The following ATG5 variants were observed in gnomAD, a reference collection of about 807,000 sequenced individuals.
The protein encoded by ATG5 is autophagy related 5.
ATG5 carries 14 observed loss-of-function variants against 36.5 expected under a neutral mutation model. The observed-to-expected ratio is 0.38, with a 90% CI of 0.25 to 0.60. The LOEUF (loss-of-function observed/expected upper bound fraction) is 0.60. ATG5 is among the 20% of genes least tolerant of loss of function. The pLI, the probability that ATG5 is intolerant of heterozygous loss-of-function variation, is 0.60. For synonymous variants in ATG5, 95 were observed against 101.5 expected (o/e 0.94, Z 0.38); for missense variants, 195 against 326.7 (o/e 0.60, Z 3.11).
intron 4 of ATG5, among the ~76,000 whole-genome samples, chr6:106,287,377 G>A (rs561627897): frequency 1.3e-5 from 2 of 152,290 alleles, no homozygotes; most frequent in East Asian, 3.9e-4. Flanking sequence ...AGCAAAACAG[G>A]ATTTGCCTGC....
At chr6:106,235,377 T>C (rs1777857054) in intron 6 of ATG5, among the ~76,000 whole-genome samples, 1 of 152,014 alleles carries the variant, frequency 6.6e-6, no homozygotes, top group Non-Finnish European at 1.5e-5. Context: ...CCCGAGGAAA[T>C]CTCAACTGCA....
intron 6 of ATG5, among the ~76,000 whole-genome samples, chr6:106,209,887 T>C (rs1220322395): frequency 6.6e-6 from 1 of 152,208 alleles, no homozygotes; most frequent in African/African-American, 2.4e-5. Context: ...AGTCTAGAGC[T>C]TTGTTAATCA....
chr6:106,198,709 G>A (rs1289397556), intron 7 of ATG5, among the ~76,000 whole-genome samples: 1 of 151,986 alleles, frequency 6.6e-6, no homozygotes, highest in Non-Finnish European at 1.5e-5. Context: ...CCCGGAGGTG[G>A]AGGTTGCAGT....
Position 106,298,722 on chromosome 6 carries a change from A to G in ATG5, c.237-5616T>C, listed in dbSNP as rs373028302. On this transcript the variant is annotated intron_variant, in intron 3 of 7. Transcript: ENST00000369076. The stretch of plus-strand genomic sequence containing the variant: ...TTCCATAATTAACATGCGGTTCAAT[A>G]CAAATTTTTATGTTAGAATTATTTT... Among the ~76,000 whole-genome samples the G allele has an allele frequency of 2.6e-5, 4 of 152,356 alleles. No individual in the cohort carries two copies. The East Asian group carries it at 5.8e-4, about 22-fold the overall frequency.
At chr6:106,238,947 C>A (rs1352709454) in intron 6 of ATG5, among the ~76,000 whole-genome samples, 3 of 152,156 alleles carry the variant, frequency 2.0e-5, no homozygotes, top group African/African-American at 7.2e-5. Flanking sequence ...CCAATAACTT[C>A]ATCAAACTAG....
intron 6 of ATG5, among the ~76,000 whole-genome samples, chr6:106,238,992 T>C (rs1778002942): frequency 6.6e-6 from 1 of 152,152 alleles, no homozygotes; most frequent in South Asian, 2.1e-4. Context: ...TTAGAAACGC[T>C]AGAAGGAAAT....
In ATG5 at chr6:106,289,289, T is replaced by C. The variant is rs142126489; in HGVS notation, c.315+3739A>G. ...ATCAAAAATCTATAAGGCAGTACAA[T>C]AGAGGCAGGCCTACATCAATCAGTA... is the stretch of plus-strand genomic sequence containing the variant. On this transcript the variant is annotated intron_variant, in intron 4 of 7. Transcript: ENST00000369076. Among the ~76,000 whole-genome samples the C allele has an allele frequency of 1.4e-4, 21 of 152,156 alleles. No homozygotes were observed. In the East Asian group the frequency reaches 3.5e-3, roughly 25 times the overall value.
chr6:106,260,040 TA>T (rs1181359459), intron 5 of ATG5, among the ~76,000 whole-genome samples: 7 of 152,044 alleles, frequency 4.6e-5, no homozygotes, highest in Middle Eastern at 3.4e-3. Flanking sequence ...TTCTCACTCA[TA>T]GGGGGGAACT....
At chr6:106,220,667 G>T (rs1285997394) in intron 6 of ATG5, among the ~76,000 whole-genome samples, 1 of 152,032 alleles carries the variant, frequency 6.6e-6, no homozygotes, top group African/African-American at 2.4e-5. Flanking sequence ...CCCAAAAGAA[G>T]GAACCACTAC....
intron 4 of ATG5, among the ~76,000 whole-genome samples, chr6:106,283,179 A>T (rs1237949055): frequency 6.6e-6 from 1 of 152,056 alleles, no homozygotes; most frequent in Non-Finnish European, 1.5e-5. Context: ...CTTTTTAATT[A>T]TTACGAGATT....
chr6:106,275,231 CATTA>C (rs1779595948), intron 5 of ATG5, among the ~76,000 whole-genome samples: 1 of 152,194 alleles, frequency 6.6e-6, no homozygotes, highest in Non-Finnish European at 1.5e-5. Flanking sequence ...TACCCATTTA[CATTA>C]ATTAACATTC....
intron 4 of ATG5, among the ~76,000 whole-genome samples, chr6:106,290,761 T>C (rs986125934): frequency 3.3e-5 from 5 of 152,236 alleles, no homozygotes; most frequent in African/African-American, 4.8e-5. Flanking sequence ...GCACTGGTCA[T>C]CTGGAAATGT....
chr6:106,276,041 C>T (rs1779632224), intron 5 of ATG5, among the ~76,000 whole-genome samples: 1 of 152,216 alleles, frequency 6.6e-6, no homozygotes, highest in African/African-American at 2.4e-5. Context: ...AAAGTGACTT[C>T]TCACTAACTC....
chr6:106,205,550 T>G (rs1776597088), intron 6 of ATG5, among the ~76,000 whole-genome samples: 1 of 152,100 alleles, frequency 6.6e-6, no homozygotes, highest in Non-Finnish European at 1.5e-5. Flanking sequence ...TCCATAATAA[T>G]TAAAACTAAA....
intron 2 of ATG5, 50 bp downstream of exon 2, chr6:106,316,051 C>G: frequency 6.8e-7 from 1 of 1,463,286 alleles, no homozygotes; most frequent in African/African-American, 1.4e-5. Context: ...CTTTTTCTTA[C>G]AAAAATGGAC....
chr6:106,290,190 C>CTTATTTTATT (rs760405075), intron 4 of ATG5, among the ~76,000 whole-genome samples: 5 of 148,944 alleles, frequency 3.4e-5, no homozygotes, highest in South Asian at 2.1e-4. Context: ...CCATACTTGG[C>CTTATTTTATT]TTATTTTATT....
intron 7 of ATG5, among the ~76,000 whole-genome samples, chr6:106,197,456 C>T (rs1228448801): frequency 3.3e-5 from 5 of 150,604 alleles, no homozygotes; most frequent in African/African-American, 7.4e-5. Context: ...TGCTTGTCCC[C>T]GCCAAACCTC....
intron 7 of ATG5, among the ~76,000 whole-genome samples, chr6:106,194,837 T>G (rs1458440563): frequency 6.6e-6 from 1 of 152,206 alleles, no homozygotes; most frequent in Non-Finnish European, 1.5e-5. Context: ...AAATGAAGTA[T>G]AATTGGGTAA....
intron 3 of ATG5, among the ~76,000 whole-genome samples, chr6:106,305,861 G>A (rs1582679677): frequency 6.6e-6 from 1 of 152,276 alleles, no homozygotes; most frequent in Non-Finnish European, 1.5e-5. Context: ...AGAGAAAACT[G>A]CTATTACTGG....
Sources: gnomAD v4.1 joint callset for allele counts (sites outside exome capture counted in the v4.1 genomes callset) on GRCh38, gnomAD v4.1.1 for gene constraint, MANE v1.5 for transcripts, NCBI Gene and HGNC (gene_info 2026-07-23, HGNC 2026-07-21) for gene names.